Variants in COL19A1 observed in about 807,000 individuals in gnomAD.
The protein encoded by COL19A1 is collagen alpha-1(XIX) chain.
A neutral mutation model predicts 190.2 loss-of-function variants in COL19A1; 159 were observed. The observed-to-expected ratio is 0.84, with a 90% CI of 0.73 to 0.95. The LOEUF (loss-of-function observed/expected upper bound fraction) is 0.95, where lower values mean the gene tolerates loss of function less well. COL19A1 is among the 40% of genes least tolerant of loss of function. The pLI is 0.00. For missense variants in COL19A1, 1,418 were observed against 1,431.9 expected (o/e 0.99, Z 0.16); for synonymous variants, 509 against 458.9 (o/e 1.11, Z -1.39).
At chr6:69,893,072 T>C (rs943428603) in intron 2 of COL19A1, among the ~76,000 whole-genome samples, 4 of 152,184 alleles carry the variant, frequency 2.6e-5, no homozygotes, top group African/African-American at 7.2e-5. Context: ...TCAAAATAAA[T>C]TTCTTCGACT....
intron 11 of COL19A1, among the ~76,000 whole-genome samples, chr6:70,023,068 C>T (rs982507525): frequency 3.3e-5 from 5 of 150,238 alleles, no homozygotes; most frequent in Non-Finnish European, 7.4e-5. Context: ...CCAGAAAGTT[C>T]TTTGTTGCTT....
chr6:70,007,771 C>T (rs1009032009), intron 11 of COL19A1, among the ~76,000 whole-genome samples: 2 of 151,932 alleles, frequency 1.3e-5, no homozygotes, highest in Non-Finnish European at 1.5e-5. Context: ...TAATAAAATA[C>T]ACATTTTTCC....
At chr6:70,034,433 C>A in intron 13 of COL19A1, 135 bp downstream of exon 13, 1 of 657,812 alleles carries the variant, frequency 1.5e-6, no homozygotes, top group South Asian at 1.8e-5. Flanking sequence ...TTAATAGCAT[C>A]TGAATAAGAA....
rs112759014 is a variant in COL19A1, at chr6:70,207,258, G to T, written c.3413G>T (p.Arg1138Leu). Residue 1138 changes from arginine to leucine, a missense_variant, in exon 51 of 51, where the codon CGC (arginine) becomes CTC (leucine). Coordinates refer to ENST00000620364, the MANE Select transcript of COL19A1 (RefSeq NM_001858.6). ...CLYPVSHAHQ[R>L]TGGN is the part of the protein sequence containing the mutation. The stretch of plus-strand genomic sequence containing the variant: ...TATCCTGTGTCTCATGCCCATCAGC[G>T]CACAGGTGGGAATTGAACACACCTG... 80 of 1,613,266 alleles carry T rather than the reference G, an allele frequency of 5.0e-5. No homozygotes were observed. The African/African-American group carries it at 8.1e-4, about 16-fold the overall frequency.
chr6:69,973,586 G>T (rs1775548268), intron 11 of COL19A1, among the ~76,000 whole-genome samples: 1 of 151,142 alleles, frequency 6.6e-6, no homozygotes, highest in Non-Finnish European at 1.5e-5. Context: ...TACACACAGG[G>T]TTTTTAATGT....
intron 48 of COL19A1, among the ~76,000 whole-genome samples, chr6:70,198,548 G>C (rs1170982368): frequency 6.6e-6 from 1 of 151,932 alleles, no homozygotes; most frequent in Non-Finnish European, 1.5e-5. Context: ...TTAAATGTGA[G>C]GTATACTAAA....
At chr6:70,183,918 G>A (rs1020404352) in intron 44 of COL19A1, among the ~76,000 whole-genome samples, 5 of 152,088 alleles carry the variant, frequency 3.3e-5, no homozygotes, top group African/African-American at 4.8e-5. Context: ...TTGCTGTTGG[G>A]CCCTGGGTAT....
intron 1 of COL19A1, 88 bp downstream of exon 1, chr6:69,866,728 G>C (rs1001178155): frequency 6.6e-5 from 10 of 152,210 alleles, no homozygotes; most frequent in African/African-American, 2.4e-4. Flanking sequence ...CTAGTTATCT[G>C]TGTGCATCTG....
At chr6:70,040,867 A>G (rs1422634191) in intron 14 of COL19A1, among the ~76,000 whole-genome samples, 2 of 152,212 alleles carry the variant, frequency 1.3e-5, no homozygotes, top group African/African-American at 4.8e-5. Context: ...TAAACTTGCA[A>G]ATCTTATTTT....
intron 11 of COL19A1, among the ~76,000 whole-genome samples, chr6:69,975,785 C>A (rs1775681748): frequency 6.6e-6 from 1 of 152,112 alleles, no homozygotes; most frequent in African/African-American, 2.4e-5. Flanking sequence ...CAGAACACAG[C>A]ACTGTGACAC....
intron 34 of COL19A1, among the ~76,000 whole-genome samples, chr6:70,161,602 A>G (rs986180843): frequency 3.3e-5 from 5 of 152,282 alleles, no homozygotes; most frequent in Middle Eastern, 3.4e-3. Flanking sequence ...GTGAAGGATG[A>G]AAAACTACCT....
At chr6:70,073,294 G>T (rs11963435) in intron 15 of COL19A1, among the ~76,000 whole-genome samples, 159 of 151,984 alleles carry the variant, frequency 1.0e-3, no homozygotes, top group African/African-American at 3.5e-3. Flanking sequence ...GGCCCAGATT[G>T]CCTGAATTTA....
intron 5 of COL19A1, 26 bp from the exon 6 acceptor site, chr6:69,929,399 T>C: frequency 6.2e-7 from 1 of 1,600,108 alleles, no homozygotes; most frequent in Non-Finnish European, 8.5e-7. Flanking sequence ...TTTTAAAACA[T>C]TTAAAGATAC....
chr6:70,064,617 C>CA lies in COL19A1; in HGVS notation c.1171-3805dup, dbSNP rs1781061146. 2.0e-5 allele frequency among the ~76,000 whole-genome samples: 3 copies of CA among 152,052 alleles called. No individual in the cohort carries two copies. The East Asian group carries it at 5.8e-4, about 29-fold the overall frequency. ...TGTTGGAAGTTCTGGCCAGGGCAAT[C>CA]AGGCAGGAGAAGGAAATAAAGGGTA... On this transcript the variant is annotated intron_variant, in intron 14 of 50. Transcript: ENST00000620364.
At chr6:69,991,186 ACT>A (rs1478429854) in intron 11 of COL19A1, among the ~76,000 whole-genome samples, 1 of 151,756 alleles carries the variant, frequency 6.6e-6, no homozygotes, top group African/African-American at 2.4e-5. Context: ...AGGATAATGG[ACT>A]CTAGCTCCAT....
intron 4 of COL19A1, among the ~76,000 whole-genome samples, chr6:69,916,601 G>A (rs1322467028): frequency 6.6e-6 from 1 of 152,148 alleles, no homozygotes; most frequent in Admixed American, 6.5e-5. Context: ...AGCCACGTAG[G>A]ATGTGCAAAT....
At chr6:70,102,033 A>G (rs986499635) in intron 15 of COL19A1, 136 bp from the exon 16 acceptor site, 4 of 762,778 alleles carry the variant, frequency 5.2e-6, no homozygotes, top group Non-Finnish European at 8.8e-6. Flanking sequence ...TTGATATTTA[A>G]AAGTCATGTG....
chr6:70,171,226 C>T (rs1765482736), intron 40 of COL19A1, among the ~76,000 whole-genome samples: 1 of 152,120 alleles, frequency 6.6e-6, no homozygotes, highest in Admixed American at 6.6e-5. Context: ...TCTTTTTCTT[C>T]CAATGTGGCC....
intron 9 of COL19A1, among the ~76,000 whole-genome samples, chr6:69,950,318 T>C (rs562861796): frequency 1.3e-5 from 2 of 151,804 alleles, no homozygotes; most frequent in Admixed American, 1.3e-4. Context: ...AGTATAGCAT[T>C]TAGTTATGTT....
Sources: allele counts gnomAD v4.1 joint callset (sites outside exome capture counted in the v4.1 genomes callset), GRCh38; gene constraint gnomAD v4.1.1; transcripts MANE v1.5; gene names NCBI Gene and HGNC (gene_info 2026-07-23, HGNC 2026-07-21).